The following ITGA9 variants were observed in gnomAD, a reference collection of about 807,000 sequenced individuals.
The protein encoded by ITGA9 is integrin alpha-9.
In ITGA9, 56 loss-of-function variants were observed where a neutral mutation model predicts 127.8. The observed-to-expected ratio is 0.44, with a 90% CI of 0.35 to 0.55. The LOEUF is 0.55. ITGA9 is among the 20% of genes least tolerant of loss of function. The probability of loss-of-function intolerance (pLI) is 0.00; values close to 1 mark genes in which losing one functional copy is unlikely to be tolerated. For missense variants in ITGA9, 1,196 were observed against 1,347.1 expected, an observed-to-expected ratio of 0.89 and a Z score of 1.76; for synonymous variants, 508 against 514.5, an observed-to-expected ratio of 0.99 and a Z score of 0.17.
chr3:37,715,241 A>G (rs954467277), intron 18 of ITGA9, among the ~76,000 whole-genome samples: 1 of 152,186 alleles, frequency 6.6e-6, no homozygotes, highest in Admixed American at 6.5e-5. Context: ...GCCTAATAGC[A>G]ATAACCATTA....
At chr3:37,486,154 G>A (rs1031202668) in intron 4 of ITGA9, among the ~76,000 whole-genome samples, 1 of 152,240 alleles carries the variant, frequency 6.6e-6, no homozygotes, top group Admixed American at 6.5e-5. Context: ...TAGCAGGAGT[G>A]AGACTGCAAA....
chr3:37,630,068 G>A (rs1700216092), intron 16 of ITGA9, among the ~76,000 whole-genome samples: 1 of 152,184 alleles, frequency 6.6e-6, no homozygotes, highest in South Asian at 2.1e-4. Context: ...GAAAAACTGT[G>A]GGCTAACCCA....
intron 27 of ITGA9, among the ~76,000 whole-genome samples, chr3:37,815,718 A>G (rs1362804558): frequency 6.6e-6 from 1 of 152,200 alleles, no homozygotes; most frequent in Admixed American, 6.5e-5. Flanking sequence ...TCAGCAAAAA[A>G]AATATTGAGT....
intron 16 of ITGA9, among the ~76,000 whole-genome samples, chr3:37,650,113 A>G (rs1028016139): frequency 1.3e-5 from 2 of 152,284 alleles, no homozygotes; most frequent in Admixed American, 6.5e-5. Context: ...GAGCCTCTGC[A>G]TGGACAGCTT....
At chr3:37,623,205 C>T (rs1350166609) in intron 15 of ITGA9, among the ~76,000 whole-genome samples, 1 of 152,216 alleles carries the variant, frequency 6.6e-6, no homozygotes, top group Non-Finnish European at 1.5e-5. Flanking sequence ...GTTTCTTAGT[C>T]TCACAGCCCC....
Position 37,542,565 on chromosome 3 carries a change from C to T in ITGA9, c.1669C>T (p.His557Tyr), listed in dbSNP as rs766875500. The part of the protein sequence containing the change: ...QLTYMEETCR[H>Y]YVAHVKRRVQ... ...GACTTACATGGAGGAGACGTGTCGT[C>T]ACTATGTGGCCCATGTGAAGGTCAG... The change falls in exon 15 of 28, where the codon CAC becomes TAC. Residue 557 changes from histidine to tyrosine, a missense_variant. Coordinates refer to ENST00000264741, the MANE Select transcript of ITGA9 (RefSeq NM_002207.3). 4 of 1,614,058 alleles carry T rather than the reference C, an allele frequency of 2.5e-6. No homozygotes were observed. Among genetic ancestry groups the T allele is most frequent in the African/African-American group, 2.7e-5 (2 of 74,914 alleles).
intron 17 of ITGA9, among the ~76,000 whole-genome samples, chr3:37,680,050 G>A (rs1700720638): frequency 6.6e-6 from 1 of 152,188 alleles, no homozygotes; most frequent in Admixed American, 6.5e-5. Flanking sequence ...ATGATAGTCA[G>A]GGGGCTGGAG....
At chr3:37,455,536 G>A (rs1430672705) in intron 1 of ITGA9, among the ~76,000 whole-genome samples, 1 of 152,076 alleles carries the variant, frequency 6.6e-6, no homozygotes, top group East Asian at 1.9e-4. Flanking sequence ...TGACTTAAAA[G>A]GATCACAAAT....
chr3:37,547,966 G>T (rs1056619166), intron 15 of ITGA9, among the ~76,000 whole-genome samples: 1 of 152,160 alleles, frequency 6.6e-6, no homozygotes, highest in Non-Finnish European at 1.5e-5. Context: ...ATCTGTGTGT[G>T]TACCTCCTTT....
chr3:37,603,343 AT>A (rs1699939117), intron 15 of ITGA9, among the ~76,000 whole-genome samples: 1 of 152,202 alleles, frequency 6.6e-6, no homozygotes, highest in African/African-American at 2.4e-5. Context: ...TATTATTTAC[AT>A]TGTATTGGGT....
At chr3:37,637,142 G>T (rs1249797609) in intron 16 of ITGA9, among the ~76,000 whole-genome samples, 1 of 151,606 alleles carries the variant, frequency 6.6e-6, no homozygotes, top group Non-Finnish European at 1.5e-5. Flanking sequence ...ATATGAACTT[G>T]AAAGTAGTTT....
intron 15 of ITGA9, among the ~76,000 whole-genome samples, chr3:37,546,109 T>C (rs1397509812): frequency 6.6e-6 from 1 of 152,182 alleles, no homozygotes; most frequent in East Asian, 1.9e-4. Flanking sequence ...AAACAGAAAC[T>C]TTGTACCTTT....
In ITGA9 at chr3:37,814,811, C is replaced by T. The variant is rs1697410553; in HGVS notation, c.3010-4080C>T. 6.6e-6 allele frequency among the ~76,000 whole-genome samples: 1 copy of T among 152,120 alleles called. No individual in the cohort carries two copies. Among genetic ancestry groups the T allele is most frequent in the Non-Finnish European group, 1.5e-5 (1 of 68,024 alleles). On this transcript the variant is annotated intron_variant, in intron 27 of 27. Coordinates refer to ENST00000264741, the MANE Select transcript of ITGA9 (RefSeq NM_002207.3). This position sits in a 1 kb window ranked among gnomAD's most constrained non-coding sequence, Gnocchi z 4.3. ...GTGATGTGAGTGGTATCCCCCAGCC[C>T]CTTAAATGCAGTGTAGCACCTGCAC... is the stretch of plus-strand genomic sequence containing the variant.
chr3:37,728,305 G>A (rs1696242706), intron 18 of ITGA9, among the ~76,000 whole-genome samples: 2 of 152,216 alleles, frequency 1.3e-5, no homozygotes, highest in African/African-American at 4.8e-5. Context: ...CCACTGACAT[G>A]TTGCTTAGAG....
At chr3:37,733,949 C>A (rs2844417) in intron 19 of ITGA9, among the ~76,000 whole-genome samples, 30,267 of 152,162 alleles carry the variant, frequency 0.2, 3,781 homozygotes, top group Admixed American at 0.28. Context: ...GTGTGAACAT[C>A]CTGTGATTTG....
intron 1 of ITGA9, among the ~76,000 whole-genome samples, chr3:37,458,566 C>T (rs1052587957): frequency 6.6e-6 from 1 of 152,220 alleles, no homozygotes; most frequent in Non-Finnish European, 1.5e-5. Context: ...AAGAAAGCTG[C>T]AGCTGGAGGC....
intron 23 of ITGA9, among the ~76,000 whole-genome samples, chr3:37,769,360 A>G (rs1203600085): frequency 1.3e-5 from 2 of 151,854 alleles, no homozygotes; most frequent in East Asian, 1.9e-4. Context: ...AAAAAAAGCT[A>G]AAAATATCAC....
At chr3:37,665,867 G>A (rs528572831) in intron 17 of ITGA9, among the ~76,000 whole-genome samples, 4 of 152,198 alleles carry the variant, frequency 2.6e-5, no homozygotes, top group Non-Finnish European at 5.9e-5. Context: ...GGCGGAGGGT[G>A]GGATTTAGGC....
intron 18 of ITGA9, among the ~76,000 whole-genome samples, chr3:37,694,033 G>A (rs1270858156): frequency 6.6e-6 from 1 of 152,166 alleles, no homozygotes; most frequent in Admixed American, 6.5e-5. Flanking sequence ...AAAATAATAA[G>A]TCTTTTCCGC....
Sources: allele counts gnomAD v4.1 joint callset (sites outside exome capture counted in the v4.1 genomes callset), GRCh38; gene constraint gnomAD v4.1.1; non-coding constraint Gnocchi (gnomAD v3.1); transcripts MANE v1.5; gene names NCBI Gene and HGNC (gene_info 2026-07-23, HGNC 2026-07-21).